Variants in SNX25 observed in about 807,000 individuals in gnomAD.
SNX25 encodes sorting nexin-25.
In SNX25, 62 loss-of-function variants were observed where a neutral mutation model predicts 113.7. The ratio of observed to expected loss-of-function variants is 0.55; its 90% CI spans 0.44 to 0.67. The LOEUF (loss-of-function observed/expected upper bound fraction) is 0.67, where lower values mean the gene tolerates loss of function less well. Among genes scored for constraint, SNX25 ranks in the 30% least tolerant of loss-of-function variants. The pLI is 0.00. For missense variants in SNX25, 1,014 were observed against 1,161.0 expected (o/e 0.87, Z 1.84); for synonymous variants, 421 against 436.2 (o/e 0.97, Z 0.43).
chr4:185,234,081 A>G (rs1742261538), intron 1 of SNX25, among the ~76,000 whole-genome samples: 1 of 152,018 alleles, frequency 6.6e-6, no homozygotes, highest in Admixed American at 6.5e-5. Context: ...GATGGTCTCG[A>G]TCTCCTGACC....
intron 3 of SNX25, among the ~76,000 whole-genome samples, chr4:185,260,300 C>T (rs982074942): frequency 6.6e-6 from 1 of 151,926 alleles, no homozygotes; most frequent in Non-Finnish European, 1.5e-5. Flanking sequence ...CCCAGGATTT[C>T]TCTACATTCT....
At chr4:185,378,553 C>T in the SNX25 span, 1 of 1,029,606 alleles carries the variant, frequency 9.7e-7, no homozygotes, top group Non-Finnish European at 1.2e-6. Context: ...TGCCCACAGT[C>T]AGAGCTCTTC....
intron 5 of SNX25, among the ~76,000 whole-genome samples, chr4:185,268,134 C>G (rs1296641069): frequency 1.3e-5 from 2 of 152,286 alleles, no homozygotes; most frequent in East Asian, 3.9e-4. Flanking sequence ...AGACTGAAAG[C>G]TCTTCAGATG....
intron 1 of SNX25, among the ~76,000 whole-genome samples, chr4:185,226,597 T>C (rs1441636871): frequency 6.6e-6 from 1 of 152,178 alleles, no homozygotes; most frequent in African/African-American, 2.4e-5. Context: ...ATTACAGGCA[T>C]GTGCCACCAC....
chr4:185,283,767 A>C (rs1432035601), intron 5 of SNX25, among the ~76,000 whole-genome samples: 3 of 152,194 alleles, frequency 2.0e-5, no homozygotes, highest in Admixed American at 6.6e-5. Context: ...ATGTGGACAT[A>C]ATTCTGGCAC....
intron 1 of SNX25, among the ~76,000 whole-genome samples, chr4:185,212,485 G>GTTTT (rs752474119): frequency 6.2e-5 from 3 of 48,338 alleles, no homozygotes; most frequent in South Asian, 7.4e-4. Context: ...GTGTGTGTGT[G>GTTTT]TGTGTGTTTT....
intron 5 of SNX25, among the ~76,000 whole-genome samples, chr4:185,267,507 G>A (rs527381777): frequency 1.3e-5 from 2 of 152,160 alleles, no homozygotes; most frequent in East Asian, 3.9e-4. Flanking sequence ...GAGGTGGGCG[G>A]ATCACTTGAG....
At chr4:185,350,495 T>G (rs1290935521) in intron 13 of SNX25, among the ~76,000 whole-genome samples, 1 of 152,244 alleles carries the variant, frequency 6.6e-6, no homozygotes, top group African/African-American at 2.4e-5. Context: ...ATTTATGTTC[T>G]TCTTTACTCT....
intron 9 of SNX25, among the ~76,000 whole-genome samples, chr4:185,329,402 G>C (rs2095178437): frequency 6.6e-6 from 1 of 152,100 alleles, no homozygotes; most frequent in South Asian, 2.1e-4. Context: ...GTCTGTTTTT[G>C]TTCCAGGCAT....
At chr4:185,282,084 C>T (rs1014149575) in intron 5 of SNX25, among the ~76,000 whole-genome samples, 4 of 152,132 alleles carry the variant, frequency 2.6e-5, no homozygotes, top group African/African-American at 9.7e-5. Context: ...TGGTATTCTC[C>T]ATAATCTTGC....
chr4:185,286,093 GTTTGT>G (rs368483904), intron 5 of SNX25, among the ~76,000 whole-genome samples: 76 of 151,214 alleles, frequency 5.0e-4, no homozygotes, highest in Middle Eastern at 3.2e-3. Context: ...CTGTTTTGGG[GTTTGT>G]TTTGTTTTGT....
At chr4:185,247,227 GA>G (rs1744987451) in intron 1 of SNX25, 66 bp from the exon 2 acceptor site, 4 of 1,026,980 alleles carry the variant, frequency 3.9e-6, no homozygotes, top group Non-Finnish European at 5.7e-6. Context: ...TCATACCTTT[GA>G]TTTTTTTTTT....
At chr4:185,341,728 G>A (rs868777947) in intron 11 of SNX25, among the ~76,000 whole-genome samples, 14 of 152,058 alleles carry the variant, frequency 9.2e-5, no homozygotes, top group Admixed American at 5.2e-4. Context: ...ACTTCCTTTC[G>A]TATCACTGGC....
intron 3 of SNX25, among the ~76,000 whole-genome samples, chr4:185,262,962 A>G (rs112058060): frequency 6.6e-6 from 1 of 152,360 alleles, no homozygotes; most frequent in East Asian, 1.9e-4. Flanking sequence ...AGAGGACATC[A>G]TAGGAATATC....
In SNX25 at chr4:185,258,868, G is replaced by T. The variant is rs1746830591; in HGVS notation, c.535G>T (p.Asp179Tyr). 1 of 1,613,892 alleles carries T rather than the reference G, an allele frequency of 6.2e-7. No homozygotes were observed. The highest frequency in any genetic ancestry group is 2.2e-5 in the East Asian group (1 of 44,878). ...LKEVFDYSYRDYILSWYGNLS... is the reference protein window; with the variant it reads ...LKEVFDYSYRYYILSWYGNLS... ...GGTAGTGTTCGACTACAGTTATAGA[G>T]ATTACATTCTGTCCTGGTATGGAAA... Residue 179 changes from aspartate (D) to tyrosine (Y), a missense_variant, in exon 3 of 19, where the codon GAT becomes TAT. Transcript: ENST00000652585.
chr4:185,335,004 A>G (rs2095219688), intron 10 of SNX25, among the ~76,000 whole-genome samples: 2 of 152,144 alleles, frequency 1.3e-5, no homozygotes, highest in Admixed American at 1.3e-4. Flanking sequence ...TTATGTTGGT[A>G]AAAAATTAAT....
intron 15 of SNX25, among the ~76,000 whole-genome samples, chr4:185,355,274 T>C (rs530134024): frequency 7.9e-5 from 12 of 152,308 alleles, no homozygotes; most frequent in African/African-American, 2.6e-4. Context: ...TTGACCTTTT[T>C]CTCCTTCTGA....
intron 3 of SNX25, 98 bp from the exon 4 acceptor site, chr4:185,264,340 A>G (rs942819923): frequency 1.0e-5 from 12 of 1,165,742 alleles, no homozygotes; most frequent in Non-Finnish European, 1.5e-5. Flanking sequence ...AGTTACTATA[A>G]CCAATGTGTT....
At chr4:185,341,694 C>T (rs2095260685) in intron 11 of SNX25, among the ~76,000 whole-genome samples, 1 of 152,124 alleles carries the variant, frequency 6.6e-6, no homozygotes, top group Non-Finnish European at 1.5e-5. Context: ...TGCTGGTTTC[C>T]TTCTTGGGAT....
Sources: allele counts gnomAD v4.1 joint callset (sites outside exome capture counted in the v4.1 genomes callset), GRCh38; gene constraint gnomAD v4.1.1; transcripts MANE v1.5; gene names NCBI Gene and HGNC (gene_info 2026-07-23, HGNC 2026-07-21).